Variants in GRB10 observed in about 807,000 individuals in gnomAD.
GRB10 encodes the protein growth factor receptor bound protein 10.
Under a neutral mutation model 80.9 loss-of-function variants are expected in GRB10, and 20 were observed. That is an observed-to-expected ratio of 0.25 (90% CI 0.17 to 0.36). The LOEUF (loss-of-function observed/expected upper bound fraction) is 0.36. Among genes scored for constraint, GRB10 ranks in the 10% least tolerant of loss-of-function variants. GRB10 has a pLI of 1.00. For synonymous variants in GRB10, 291 were observed against 291.5 expected, an observed-to-expected ratio of 1.00 and a Z score of 0.02; for missense variants, 548 against 747.7, an observed-to-expected ratio of 0.73 and a Z score of 3.12.
intron 18 of GRB10, 119 bp downstream of exon 18, chr7:50,595,318 C>T (rs1396975502): frequency 2.8e-5 from 20 of 720,302 alleles, no homozygotes; most frequent in Admixed American, 1.8e-4. Flanking sequence ...AGTTTCTTAA[C>T]TGCAGCCTTG....
rs746611003 is a variant in GRB10, at chr7:50,604,360, C to T, written c.1407G>A (p.Met469Ile). 7 of 1,613,194 alleles carry T rather than the reference C, an allele frequency of 4.3e-6. No homozygotes were observed. Among genetic ancestry groups the T allele is most frequent in the Non-Finnish European group, 5.1e-6 (6 of 1,179,802 alleles). ...GHAWRKRSTR[M>I]NILGSQSPLH... is the part of the protein sequence containing the mutation. ...GGGGACTTTGGCTACCTAGGATGTT[C>T]ATCCGTGTGCTTCGCTTCTGCAAAA... is the stretch of plus-strand genomic sequence containing the variant. The change falls in exon 16 of 19, where the codon ATG becomes ATA. Residue 469 changes from methionine to isoleucine, a missense_variant. This residue lies in a region of GRB10 where 270 missense variants were observed against 433.6 expected (regional missense o/e 0.62). Coordinates refer to ENST00000401949, the MANE Select transcript of GRB10 (RefSeq NM_001350814.2).
chr7:50,690,221 G>C (rs113992246), intron 5 of GRB10, among the ~76,000 whole-genome samples: 4,678 of 152,066 alleles, frequency 0.031, 244 homozygotes, highest in African/African-American at 0.11. Flanking sequence ...GCTTGAACCC[G>C]GGAGGTGGAG....
intron 4 of GRB10, among the ~76,000 whole-genome samples, chr7:50,706,845 T>G: frequency 6.6e-6 from 1 of 152,184 alleles, no homozygotes; most frequent in African/African-American, 2.4e-5. Context: ...TGCTCATCTG[T>G]TTATGATGGA....
At chr7:50,742,016 A>C (rs1473526466) in intron 3 of GRB10, among the ~76,000 whole-genome samples, 1 of 152,090 alleles carries the variant, frequency 6.6e-6, no homozygotes, top group African/African-American at 2.4e-5. Flanking sequence ...TTTACAAAAA[A>C]AAAAACCCAA....
chr7:50,742,098 C>T (rs1048075531), intron 3 of GRB10, among the ~76,000 whole-genome samples: 1 of 151,622 alleles, frequency 6.6e-6, no homozygotes, highest in Non-Finnish European at 1.5e-5. Context: ...ACCCAAACTC[C>T]ACCCACCTAC....
At chr7:50,779,992 GAAGA>G (rs2078112839) in intron 2 of GRB10, among the ~76,000 whole-genome samples, 2 of 152,154 alleles carry the variant, frequency 1.3e-5, no homozygotes, top group African/African-American at 2.4e-5. Context: ...GAAAAAAAGG[GAAGA>G]AAGAAGCAAA....
chr7:50,670,394 G>C (rs73116823), intron 6 of GRB10, among the ~76,000 whole-genome samples: 11,310 of 151,862 alleles, frequency 0.074, 683 homozygotes, highest in South Asian at 0.12. Flanking sequence ...ACTGTACCCT[G>C]AAAAAAACAG....
chr7:50,642,667 A>G (rs976747590), intron 7 of GRB10, among the ~76,000 whole-genome samples: 4 of 152,164 alleles, frequency 2.6e-5, no homozygotes, highest in African/African-American at 9.7e-5. Context: ...AGTGTACTGC[A>G]AACATTTCAA....
intron 4 of GRB10, among the ~76,000 whole-genome samples, chr7:50,706,349 C>G (rs2065034565): frequency 6.6e-6 from 1 of 152,196 alleles, no homozygotes; most frequent in Non-Finnish European, 1.5e-5. Context: ...AAATAATGAT[C>G]AAATAAACAC....
At position 50,614,885 on chromosome 7, in the gene GRB10, G is replaced by A; in HGVS notation, c.985-5C>T. On this transcript the variant is annotated splice_region_variant and splice_polypyrimidine_tract_variant and intron_variant, in intron 11 of 18. Transcript: ENST00000401949. Reference sequence around the variant, plus strand: ...CAGCTGCAGGTGTCTGGGTTCCTGTGACAACACTGGCCAGGTTAAAGTCTC... The same window carrying A: ...CAGCTGCAGGTGTCTGGGTTCCTGTAACAACACTGGCCAGGTTAAAGTCTC... The A allele has an allele frequency of 1.3e-6, 2 of 1,586,402 alleles. No individual in the cohort carries two copies. The highest frequency in any genetic ancestry group is 1.7e-6 in the Non-Finnish European group (2 of 1,154,766).
At chr7:50,619,479 G>GCAT (rs1349304065) in intron 8 of GRB10, among the ~76,000 whole-genome samples, 194 bp from the exon 9 acceptor site, 2 of 152,192 alleles carry the variant, frequency 1.3e-5, no homozygotes, top group African/African-American at 4.8e-5. Flanking sequence ...AAGATATACA[G>GCAT]CATGAAGAAT....
rs2050260816 is a variant in GRB10 at position 50,614,856 on chromosome 7, C to T, written c.1009G>A (p.Ala337Thr). Residue 337 changes from alanine (A) to threonine (T), a missense_variant, in exon 12 of 19, where the codon GCC becomes ACC. Around this residue, in one of 4 missense-constraint regions of GRB10, gnomAD observed 270 missense variants for 433.6 expected, o/e 0.62. Coordinates refer to ENST00000401949, the MANE Select transcript of GRB10 (RefSeq NM_001350814.2). ...AAGATGTTGCTGTCCTCCAGGTCGG[C>T]CAGCAGCTGCAGGTGTCTGGGTTCC... The part of the protein sequence containing the change: ...SKEPRHLQLL[A>T]DLEDSNIFSL... 1 of 1,613,736 alleles carries T rather than the reference C, an allele frequency of 6.2e-7. No individual in the cohort carries two copies. The highest frequency in any genetic ancestry group is 8.5e-7 in the Non-Finnish European group (1 of 1,179,724).
At chr7:50,673,690 C>T (rs915077031) in intron 6 of GRB10, among the ~76,000 whole-genome samples, 4 of 152,186 alleles carry the variant, frequency 2.6e-5, no homozygotes, top group East Asian at 1.9e-4. Context: ...ACTGCCCCCA[C>T]GACCCCTGGC....
intron 12 of GRB10, among the ~76,000 whole-genome samples, chr7:50,613,731 C>T (rs1015187727): frequency 2.6e-5 from 4 of 152,156 alleles, no homozygotes; most frequent in African/African-American, 7.2e-5. Context: ...CCTCCAGCCC[C>T]GCCTGAGGCT....
chr7:50,745,181 T>C (rs1036809470), intron 3 of GRB10, among the ~76,000 whole-genome samples: 2 of 152,238 alleles, frequency 1.3e-5, no homozygotes, highest in Non-Finnish European at 2.9e-5. Flanking sequence ...ACTCACACAG[T>C]TCAAATCCAT....
intron 2 of GRB10, among the ~76,000 whole-genome samples, chr7:50,775,559 A>T (rs560713084): frequency 6.6e-6 from 1 of 152,294 alleles, no homozygotes; most frequent in Admixed American, 6.5e-5. Flanking sequence ...GGAGCTCGCT[A>T]GTGTGCCCCC....
intron 2 of GRB10, among the ~76,000 whole-genome samples, chr7:50,775,185 A>AAAAAAAAAAAAAAGG (rs2077488926): frequency 1.4e-5 from 2 of 139,040 alleles, no homozygotes; most frequent in African/African-American, 2.6e-5. Flanking sequence ...AAAAAAAAAC[A>AAAAAAAAAAAAAAGG]GTGGAACAGA....
intron 7 of GRB10, among the ~76,000 whole-genome samples, chr7:50,652,521 TA>T (rs1287851366): frequency 6.6e-6 from 1 of 152,144 alleles, no homozygotes; most frequent in Non-Finnish European, 1.5e-5. Context: ...TGACTGCTAA[TA>T]AAAGAACAAA....
At chr7:50,605,606 G>A (rs935216055) in intron 14 of GRB10, among the ~76,000 whole-genome samples, 200 bp from the exon 15 acceptor site, 4 of 152,102 alleles carry the variant, frequency 2.6e-5, no homozygotes, top group East Asian at 1.9e-4. Context: ...TCTTAAGAAC[G>A]AAACACATTC....
Sources: allele counts gnomAD v4.1 joint callset (sites outside exome capture counted in the v4.1 genomes callset), GRCh38; gene constraint gnomAD v4.1.1; regional missense constraint gnomAD v4.1.1; transcripts MANE v1.5; gene names NCBI Gene and HGNC (gene_info 2026-07-23, HGNC 2026-07-21).